Variants in NPAT observed in about 807,000 individuals in gnomAD.
The protein encoded by NPAT is protein NPAT.
In NPAT, 52 loss-of-function variants were observed where a neutral mutation model predicts 130.7. The observed-to-expected ratio is 0.40, with a 90% confidence interval of 0.32 to 0.50. The LOEUF (loss-of-function observed/expected upper bound fraction) is 0.50, where lower values mean the gene tolerates loss of function less well. NPAT is among the 20% of genes least tolerant of loss of function. The probability of loss-of-function intolerance (pLI) is 0.68; values close to 1 mark genes in which losing one functional copy is unlikely to be tolerated. For missense variants in NPAT, 1,687 were observed against 1,662.6 expected (o/e 1.01, Z -0.26); for synonymous variants, 580 against 584.8 (o/e 0.99, Z 0.12).
chr11:108,171,992 AC>A (rs1426117908), intron 13 of NPAT: 6 of 575,354 alleles, frequency 1.0e-5, no homozygotes, highest in Non-Finnish European at 1.9e-5. Flanking sequence ...AAGAAAAACC[AC>A]TAAAGCCCAT....
intron 1 of NPAT, among the ~76,000 whole-genome samples, chr11:108,211,220 A>C (rs1053347337): frequency 1.3e-5 from 2 of 152,044 alleles, no homozygotes; most frequent in South Asian, 4.1e-4. Flanking sequence ...GTCTAAAAAA[A>C]AAAAGAAAAG....
At chr11:108,192,026 T>TA (rs1276742095) in intron 4 of NPAT, 92 bp downstream of exon 4, 5 of 876,416 alleles carry the variant, frequency 5.7e-6, no homozygotes, top group Non-Finnish European at 9.8e-6. Context: ...GGATGAGTGT[T>TA]ATATAAGTAC....
At position 108,177,050 on chromosome 11, in the gene NPAT, A is replaced by G; in HGVS notation, c.947T>C (p.Leu316Ser). ...TGCTGGGTCTGATTCTGTCTGTTCC[A>G]ATATGTCCTGTATAGCTTCTTCAGA... ...HMSEEAIQDI[L>S]EQTESDPAFQ... The change falls in exon 11 of 18, where the codon TTG becomes TCG. Residue 316 changes from leucine to serine, a missense_variant. By Grantham distance (145) the Leu-to-Ser change is moderately radical. Coordinates refer to ENST00000278612, the MANE Select transcript of NPAT (RefSeq NM_002519.3). The G allele has an allele frequency of 3.7e-6, 6 of 1,613,548 alleles. No homozygotes were observed. Among genetic ancestry groups the G allele is most frequent in the Non-Finnish European group, 5.1e-6 (6 of 1,179,580 alleles).
intron 10 of NPAT, among the ~76,000 whole-genome samples, chr11:108,184,364 C>T (rs1361152418): frequency 6.6e-6 from 1 of 151,414 alleles, no homozygotes; most frequent in Non-Finnish European, 1.5e-5. Context: ...CCCAGCTACT[C>T]AGGAGGCTGA....
chr11:108,163,308 T>C (rs1040454988), intron 15 of NPAT, among the ~76,000 whole-genome samples: 1 of 152,148 alleles, frequency 6.6e-6, no homozygotes, highest in African/African-American at 2.4e-5. Context: ...TCAAAACTCT[T>C]GACCTCAGGT....
At chr11:108,163,059 G>GATTTATTTATTTATTTATTT (rs3081748) in intron 15 of NPAT, among the ~76,000 whole-genome samples, 14 of 148,946 alleles carry the variant, frequency 9.4e-5, no homozygotes, top group African/African-American at 3.0e-4. Context: ...TCCTTTAAGA[G>GATTTATTTATTTATTTATTT]ATTTATTTAT....
At position 108,197,422 on chromosome 11, in the gene NPAT, TA is replaced by T; in HGVS notation, c.38-3del. ...TGAGGTTTTCTTGCTGTAAGTAACC[TA>T]AATAAAAAATAAAAGTTTAGGTACT... On this transcript the variant is annotated splice_polypyrimidine_tract_variant and splice_region_variant and intron_variant, in intron 1 of 17. Transcript: ENST00000278612. The T allele has an allele frequency of 6.4e-7, 1 of 1,568,374 alleles. No individual in the cohort carries two copies. Among genetic ancestry groups the T allele is most frequent in the South Asian group, 1.1e-5 (1 of 89,874 alleles).
chr11:108,198,044 C>T (rs2078240517), intron 1 of NPAT, among the ~76,000 whole-genome samples: 1 of 152,192 alleles, frequency 6.6e-6, no homozygotes, highest in Non-Finnish European at 1.5e-5. Context: ...CCCCAAAGCA[C>T]ACACAGACCC....
chr11:108,164,408 T>C (rs941204386), intron 15 of NPAT, among the ~76,000 whole-genome samples: 2 of 152,198 alleles, frequency 1.3e-5, no homozygotes, highest in African/African-American at 2.4e-5. Context: ...CTAGTGGCTA[T>C]GTAGAAGAAT....
intron 1 of NPAT, among the ~76,000 whole-genome samples, chr11:108,221,556 C>T (rs145049588): frequency 2.6e-5 from 4 of 152,314 alleles, no homozygotes; most frequent in African/African-American, 7.2e-5. Context: ...CAGCGCTGGG[C>T]ATTTAAAAGA....
At chr11:108,165,301 G>A (rs886594716) in intron 15 of NPAT, among the ~76,000 whole-genome samples, 2 of 151,220 alleles carry the variant, frequency 1.3e-5, no homozygotes, top group Non-Finnish European at 2.9e-5. Context: ...TATTTATTTT[G>A]AGACAGGTCT....
Position 108,169,957 on chromosome 11 carries a change from C to T in NPAT, c.2872G>A (p.Gly958Arg), listed in dbSNP as rs770654328. 1 of 1,613,864 alleles carries T rather than the reference C, an allele frequency of 6.2e-7. No individual in the cohort carries two copies. The highest frequency in any genetic ancestry group is 1.3e-5 in the African/African-American group (1 of 75,008). Residue 958 changes from glycine to arginine, a missense_variant, in exon 14 of 18, where the codon GGA becomes AGA. Physicochemically the swap from Gly to Arg is moderately radical, Grantham distance 125. This residue lies in a region of NPAT where 1,379 missense variants were observed against 1,346.6 expected (regional missense o/e 1.02). Coordinates refer to ENST00000278612, the MANE Select transcript of NPAT (RefSeq NM_002519.3). Reference protein sequence around the residue: ...MIPVSVVGQNGNNFSTPPRQV... With the variant: ...MIPVSVVGQNRNNFSTPPRQV... The stretch of plus-strand genomic sequence containing the variant: ...CGAGGAGGAGTAGAAAAGTTATTTC[C>T]ATTCTGTCCAACCACAGATACTGGG...
At chr11:108,207,613 C>T (rs368422892) in intron 1 of NPAT, among the ~76,000 whole-genome samples, 6 of 152,230 alleles carry the variant, frequency 3.9e-5, no homozygotes, top group Admixed American at 6.5e-5. Flanking sequence ...AGCCAGGTCC[C>T]GACAGCAGCA....
intron 13 of NPAT, chr11:108,171,074 C>T (rs567723507): frequency 6.7e-6 from 1 of 150,064 alleles, no homozygotes; most frequent in African/African-American, 2.5e-5. Context: ...TCACTAACTA[C>T]ATATAACACA....
intron 13 of NPAT, chr11:108,171,719 T>C (rs1299677205): frequency 1.3e-5 from 2 of 157,066 alleles, no homozygotes; most frequent in African/African-American, 4.9e-5. Flanking sequence ...ACTCCTGACC[T>C]CAGGTGATCG....
chr11:108,186,080 G>A (rs1201848680), intron 8 of NPAT, among the ~76,000 whole-genome samples: 2 of 151,580 alleles, frequency 1.3e-5, no homozygotes, highest in Non-Finnish European at 2.9e-5. Context: ...GTAGTGGTAT[G>A]ATCATGGCTC....
chr11:108,216,130 G>C (rs1322751433), intron 1 of NPAT, among the ~76,000 whole-genome samples: 1 of 152,184 alleles, frequency 6.6e-6, no homozygotes, highest in Non-Finnish European at 1.5e-5. Flanking sequence ...AATTAGGACA[G>C]TTGGAGCTTT....
chr11:108,205,710 T>C (rs2078319106), intron 1 of NPAT, among the ~76,000 whole-genome samples: 1 of 152,190 alleles, frequency 6.6e-6, no homozygotes, highest in Admixed American at 6.5e-5. Context: ...CAGGCTAAAA[T>C]GAGATGATAC....
chr11:108,164,017 T>C (rs986435297), intron 15 of NPAT, among the ~76,000 whole-genome samples: 5 of 152,208 alleles, frequency 3.3e-5, no homozygotes, highest in African/African-American at 9.6e-5. Flanking sequence ...TAGACTGCAT[T>C]AACCTTAGAA....
Sources: allele counts gnomAD v4.1 joint callset (sites outside exome capture counted in the v4.1 genomes callset), GRCh38; gene constraint gnomAD v4.1.1; regional missense constraint gnomAD v4.1.1; transcripts MANE v1.5; gene names NCBI Gene and HGNC (gene_info 2026-07-23, HGNC 2026-07-21).